Variants in ANK1 observed in about 807,000 individuals in gnomAD.
ANK1 encodes ankyrin 1, also known as ankyrin-1.
In ANK1, 51 loss-of-function variants were observed where a neutral mutation model predicts 210.4. The ratio of observed to expected loss-of-function variants is 0.24; its 90% CI spans 0.19 to 0.31. ANK1 has a LOEUF of 0.31. Ranked by LOEUF, ANK1 falls within the 10% of genes least tolerant of loss-of-function variation. The probability of loss-of-function intolerance (pLI) is 1.00; values close to 1 mark genes in which losing one functional copy is unlikely to be tolerated. For missense variants in ANK1, 2,051 were observed against 2,504.4 expected, an observed-to-expected ratio of 0.82 and a Z score of 3.86; for synonymous variants, 967 against 1,025.9, an observed-to-expected ratio of 0.94 and a Z score of 1.10.
intron 1 of ANK1, among the ~76,000 whole-genome samples, chr8:41,793,654 GCA>G (rs1848192734): frequency 6.6e-6 from 1 of 152,184 alleles, no homozygotes; most frequent in Admixed American, 6.5e-5. Flanking sequence ...CTCTGCTCTT[GCA>G]CACTTACACC....
In ANK1 at chr8:41,690,533, G is replaced by T; in HGVS notation, c.3925C>A (p.Gln1309Lys). ...GACTGGAAGTGGAAGCTCCGCTGCT[G>T]GGCAGCTTTCTTCACAGGCACCAGG... ...GNLVPVKKAA[Q>K]QRSFHFQSFR... The change falls in exon 32 of 43, where the codon CAG (glutamine) becomes AAG (lysine). Residue 1309 changes from glutamine to lysine, a missense_variant. Gln to Lys is a moderately conservative substitution (Grantham distance 53). Transcript: ENST00000289734. 6.2e-7 allele frequency: 1 copy of T among 1,614,092 alleles called. No individual in the cohort carries two copies. The highest frequency in any genetic ancestry group is 2.2e-5 in the East Asian group (1 of 44,882).
At chr8:41,841,790 C>T (rs1808956896) in intron 1 of ANK1, among the ~76,000 whole-genome samples, 1 of 152,180 alleles carries the variant, frequency 6.6e-6, no homozygotes, top group South Asian at 2.1e-4. Flanking sequence ...GACGGCTGCC[C>T]CTCTCTCTAT....
chr8:41,857,866 C>T (rs1050615597), intron 1 of ANK1, among the ~76,000 whole-genome samples: 2 of 151,752 alleles, frequency 1.3e-5, no homozygotes, highest in African/African-American at 4.8e-5. Flanking sequence ...ATCATGCCAC[C>T]GAACTCCAGC....
At chr8:41,893,046 A>T (rs1006869679) in intron 1 of ANK1, among the ~76,000 whole-genome samples, 2 of 152,052 alleles carry the variant, frequency 1.3e-5, no homozygotes, top group African/African-American at 4.8e-5. Flanking sequence ...TCCTCTCCCT[A>T]TCCACTCTTC....
chr8:41,817,099 T>C (rs911818676), intron 1 of ANK1, among the ~76,000 whole-genome samples: 1 of 152,158 alleles, frequency 6.6e-6, no homozygotes, highest in African/African-American at 2.4e-5. Context: ...GTTTCTTTTT[T>C]TTTTTTCTTT....
intron 2 of ANK1, among the ~76,000 whole-genome samples, chr8:41,746,028 G>A (rs16890812): frequency 0.011 from 1,613 of 152,288 alleles, 34 homozygotes; most frequent in African/African-American, 0.037. Context: ...TGTGAGGCAC[G>A]ACCTTTACTG....
At chr8:41,772,885 C>A (rs1212076003) in intron 1 of ANK1, among the ~76,000 whole-genome samples, 4 of 152,178 alleles carry the variant, frequency 2.6e-5, no homozygotes, top group African/African-American at 9.7e-5. Context: ...CCACCCTTTA[C>A]CGAGAAAGGC....
chr8:41,830,488 C>A (rs896891703), intron 1 of ANK1, among the ~76,000 whole-genome samples: 8 of 151,986 alleles, frequency 5.3e-5, no homozygotes, highest in African/African-American at 1.9e-4. Context: ...GAAAAAATGA[C>A]CTACATAACA....
intron 1 of ANK1, 67 bp from the exon 2 acceptor site, chr8:41,758,204 T>C: frequency 7.1e-7 from 1 of 1,414,956 alleles, no homozygotes; most frequent in Non-Finnish European, 9.9e-7. Flanking sequence ...CCCGTTCAAG[T>C]CCCAGGCCCC....
At chr8:41,760,958 C>T (rs910798508) in intron 1 of ANK1, among the ~76,000 whole-genome samples, 1 of 148,868 alleles carries the variant, frequency 6.7e-6, no homozygotes, top group African/African-American at 2.4e-5. Flanking sequence ...TATGTCCACA[C>T]TCTTATCCCT....
At chr8:41,893,278 C>T (rs1819786845) in intron 1 of ANK1, among the ~76,000 whole-genome samples, 1 of 152,206 alleles carries the variant, frequency 6.6e-6, no homozygotes, top group African/African-American at 2.4e-5. Flanking sequence ...AGCAGGGGGA[C>T]TTATCAGTAA....
chr8:41,774,470 T>C (rs1240071941), intron 1 of ANK1, among the ~76,000 whole-genome samples: 1 of 152,190 alleles, frequency 6.6e-6, no homozygotes, highest in South Asian at 2.1e-4. Flanking sequence ...ACTGTCCTCT[T>C]CTGGGCAGGG....
intron 1 of ANK1, among the ~76,000 whole-genome samples, chr8:41,820,522 C>T (rs1225269112): frequency 6.6e-6 from 1 of 152,068 alleles, no homozygotes; most frequent in East Asian, 1.9e-4. Flanking sequence ...CCACACTCGG[C>T]AGGCACAGAT....
chr8:41,702,214 A>G (rs1336894458), intron 20 of ANK1, 70 bp from the exon 21 acceptor site: 2 of 1,319,604 alleles, frequency 1.5e-6, no homozygotes, highest in African/African-American at 2.9e-5. Context: ...GGCTCCCTAG[A>G]CACAGATCGA....
chr8:41,803,033 GAA>G (rs3065761), intron 1 of ANK1, among the ~76,000 whole-genome samples: 9 of 77,528 alleles, frequency 1.2e-4, no homozygotes, highest in South Asian at 4.8e-4. Flanking sequence ...AAGAAAGAAA[GAA>G]AGAAAGAGAA....
chr8:41,814,221 G>C (rs1365482634), intron 1 of ANK1, among the ~76,000 whole-genome samples: 1 of 152,016 alleles, frequency 6.6e-6, no homozygotes, highest in Non-Finnish European at 1.5e-5. Flanking sequence ...TTAGCCGGGC[G>C]TGGTGGCAGG....
At chr8:41,671,194 G>A (rs754912888) in intron 38 of ANK1, among the ~76,000 whole-genome samples, 24 of 152,166 alleles carry the variant, frequency 1.6e-4, no homozygotes, top group Non-Finnish European at 2.6e-4. Flanking sequence ...TGCGGGAAGC[G>A]TGGGGAAGAG....
At position 41,728,013 on chromosome 8, in the gene ANK1, C is replaced by A. The variant is rs766401229; in HGVS notation, c.229-7G>T. 6.2e-7 allele frequency: 1 copy of A among 1,613,742 alleles called. No individual in the cohort carries two copies. The highest frequency in any genetic ancestry group is 1.1e-5 in the South Asian group (1 of 91,082). On this transcript the variant is annotated splice_region_variant and splice_polypyrimidine_tract_variant and intron_variant, in intron 3 of 42. Transcript: ENST00000289734. ...GCAGGGCCGTGTTCCCCTTCTGAAA[C>A]ACATGGGGGAAGGGAACAGAGGCGG...
At chr8:41,744,053 C>A (rs992476266) in intron 2 of ANK1, among the ~76,000 whole-genome samples, 1 of 152,070 alleles carries the variant, frequency 6.6e-6, no homozygotes, top group Non-Finnish European at 1.5e-5. Context: ...GGAAAATGCT[C>A]AAGGAATGAT....
Sources: allele counts gnomAD v4.1 joint callset (sites outside exome capture counted in the v4.1 genomes callset), GRCh38; gene constraint gnomAD v4.1.1; transcripts MANE v1.5; gene names NCBI Gene and HGNC (gene_info 2026-07-23, HGNC 2026-07-21).